The following PDLIM5 variants were observed in gnomAD, a reference collection of about 807,000 sequenced individuals.
PDLIM5 encodes the protein PDZ and LIM domain 5.
PDLIM5 carries 34 observed loss-of-function variants against 64.2 expected under a neutral mutation model. The ratio of observed to expected loss-of-function variants is 0.53; its 90% confidence interval spans 0.40 to 0.71. PDLIM5 has a LOEUF of 0.71. Ranked by LOEUF, PDLIM5 falls within the 30% of genes least tolerant of loss-of-function variation. The pLI is 0.00. For synonymous variants in PDLIM5, 253 were observed against 269.1 expected (o/e 0.94, Z 0.59); for missense variants, 683 against 733.6 (o/e 0.93, Z 0.80).
At chr4:94,565,153 T>G (rs982598050) in intron 3 of PDLIM5, among the ~76,000 whole-genome samples, 7 of 152,186 alleles carry the variant, frequency 4.6e-5, no homozygotes, top group Admixed American at 2.6e-4. Flanking sequence ...ATAAGTTGAT[T>G]GGTTAAATAA....
At chr4:94,494,991 A>T (rs912998030) in intron 2 of PDLIM5, among the ~76,000 whole-genome samples, 1 of 149,546 alleles carries the variant, frequency 6.7e-6, no homozygotes, top group African/African-American at 2.5e-5. Context: ...CAATCCACCC[A>T]CCTTGGCCTC....
intron 11 of PDLIM5, among the ~76,000 whole-genome samples, chr4:94,660,338 A>T (rs2110503781): frequency 6.6e-6 from 1 of 152,072 alleles, no homozygotes; most frequent in South Asian, 2.1e-4. Context: ...TTTTGTGCTT[A>T]CTGTTTCTTC....
chr4:94,617,821 C>T (rs751652759), intron 7 of PDLIM5, among the ~76,000 whole-genome samples, 183 bp from the exon 8 acceptor site: 16 of 151,984 alleles, frequency 1.1e-4, no homozygotes, highest in Admixed American at 5.2e-4. Context: ...CAATCTGACT[C>T]CTTTTTCTTT....
At chr4:94,623,790 C>G (rs974974409) in intron 8 of PDLIM5, among the ~76,000 whole-genome samples, 2 of 152,076 alleles carry the variant, frequency 1.3e-5, no homozygotes, top group African/African-American at 2.4e-5. Context: ...CTTGAAATTC[C>G]CACAACAGTC....
chr4:94,647,335 G>T (rs1035355636), intron 9 of PDLIM5, among the ~76,000 whole-genome samples: 13 of 152,138 alleles, frequency 8.5e-5, no homozygotes, highest in African/African-American at 3.1e-4. Context: ...GTAACCAAAA[G>T]AGAGTGAGAA....
chr4:94,576,582 A>C (rs1269957213), intron 5 of PDLIM5, among the ~76,000 whole-genome samples: 1 of 152,274 alleles, frequency 6.6e-6, no homozygotes, highest in African/African-American at 2.4e-5. Context: ...AGTTTAAGTT[A>C]GAATTTATTC....
rs530123721 is a variant in PDLIM5 at position 94,514,377 on chromosome 4, G to A, written c.97-9347G>A. ...TCTCAATCTCCTGACCTTGTGATCT[G>A]CCCACCTTGGCCTCCCAAAGTGCTG... On this transcript the variant is annotated intron_variant, in intron 2 of 12. Coordinates refer to ENST00000317968, the MANE Select transcript of PDLIM5 (RefSeq NM_006457.5). 2.4e-4 allele frequency among the ~76,000 whole-genome samples: 36 copies of A among 151,970 alleles called. No homozygotes were observed. The South Asian group carries it at 7.3e-3, about 31-fold the overall frequency.
chr4:94,640,402 C>T lies in PDLIM5; in HGVS notation c.1235C>T (p.Pro412Leu). 6.2e-7 allele frequency: 1 copy of T among 1,611,538 alleles called. No individual in the cohort carries two copies. Residue 412 changes from proline (P) to leucine (L), a missense_variant, in exon 9 of 13, where the codon CCA becomes CTA. Pro to Leu is a moderately conservative substitution (Grantham distance 98, BLOSUM62 -3). Transcript: ENST00000317968. ...DTLVQRAEHIPAGKRTPMCAH... is the reference protein window; with the variant it reads ...DTLVQRAEHILAGKRTPMCAH... Reference sequence around the variant, plus strand: ...TTAGTGCAAAGAGCTGAGCACATTCCAGCAGGGAAACGAACTCCGATGTGC... The same window carrying T: ...TTAGTGCAAAGAGCTGAGCACATTCTAGCAGGGAAACGAACTCCGATGTGC...
chr4:94,505,539 G>A (rs547831711), intron 2 of PDLIM5, among the ~76,000 whole-genome samples: 26 of 152,260 alleles, frequency 1.7e-4, no homozygotes, highest in Middle Eastern at 3.4e-3. Context: ...TGGGATTACA[G>A]GCATGAGCCA....
chr4:94,486,633 C>G (rs1248667405), intron 2 of PDLIM5, among the ~76,000 whole-genome samples: 1 of 152,158 alleles, frequency 6.6e-6, no homozygotes, highest in Non-Finnish European at 1.5e-5. Context: ...TCTTCCATTC[C>G]CTTTTGATTT....
chr4:94,499,943 C>T (rs1219312120), intron 2 of PDLIM5, among the ~76,000 whole-genome samples: 2 of 152,120 alleles, frequency 1.3e-5, no homozygotes, highest in Non-Finnish European at 2.9e-5. Context: ...CCCATCCTCC[C>T]CTCCCCCTGA....
At chr4:94,582,161 G>T (rs1331031463) in intron 5 of PDLIM5, among the ~76,000 whole-genome samples, 1 of 152,076 alleles carries the variant, frequency 6.6e-6, no homozygotes, top group South Asian at 2.1e-4. Context: ...TATGATTCAG[G>T]ATAATTCATG....
At chr4:94,610,244 G>C in intron 7 of PDLIM5, 1 of 1,519,756 alleles carries the variant, frequency 6.6e-7, no homozygotes, top group Non-Finnish European at 8.8e-7. Flanking sequence ...GCTAGATATA[G>C]TGCTGCAGTT....
At chr4:94,647,620 A>C (rs1419111674) in intron 9 of PDLIM5, among the ~76,000 whole-genome samples, 2 of 152,190 alleles carry the variant, frequency 1.3e-5, no homozygotes, top group Non-Finnish European at 2.9e-5. Flanking sequence ...AAAGAACTAG[A>C]AAACTTGAAC....
At chr4:94,465,454 G>T (rs540068419) in intron 2 of PDLIM5, among the ~76,000 whole-genome samples, 4 of 152,150 alleles carry the variant, frequency 2.6e-5, no homozygotes, top group Non-Finnish European at 4.4e-5. Context: ...AGGCTGTAGT[G>T]CAGTGGCATG....
At chr4:94,456,373 T>C in intron 2 of PDLIM5, 1 of 641,758 alleles carries the variant, frequency 1.6e-6, no homozygotes, top group South Asian at 1.7e-5. Flanking sequence ...TAATTTTGTA[T>C]TTTTAGTAGA....
intron 2 of PDLIM5, among the ~76,000 whole-genome samples, chr4:94,477,204 C>G (rs1351359264): frequency 6.6e-6 from 1 of 152,098 alleles, no homozygotes; most frequent in Non-Finnish European, 1.5e-5. Context: ...GTTATCCATT[C>G]TTTTCTGGCC....
intron 8 of PDLIM5, among the ~76,000 whole-genome samples, chr4:94,640,055 G>A (rs1411155633): frequency 6.6e-6 from 1 of 151,796 alleles, no homozygotes; most frequent in African/African-American, 2.4e-5. Context: ...CTATGCATAC[G>A]TCTGTCATAA....
intron 2 of PDLIM5, among the ~76,000 whole-genome samples, chr4:94,517,914 A>G (rs1349082531): frequency 6.6e-6 from 1 of 152,194 alleles, no homozygotes; most frequent in African/African-American, 2.4e-5. Context: ...TGACTATTAA[A>G]ATGGTGTTAC....
Sources: gnomAD v4.1 joint callset for allele counts (sites outside exome capture counted in the v4.1 genomes callset) on GRCh38, gnomAD v4.1.1 for gene constraint, MANE v1.5 for transcripts, NCBI Gene and HGNC (gene_info 2026-07-23, HGNC 2026-07-21) for gene names.